The following BHMT variants were observed in gnomAD, a reference collection of about 807,000 sequenced individuals.
BHMT encodes betaine--homocysteine S-methyltransferase 1.
Under a neutral mutation model 49.5 loss-of-function variants are expected in BHMT, and 38 were observed. The observed-to-expected ratio is 0.77, with a 90% CI of 0.59 to 1.01. The LOEUF is 1.01. BHMT is among the 50% of genes least tolerant of loss of function. BHMT has a pLI of 0.00. For synonymous variants in BHMT, 166 were observed against 176.3 expected, an observed-to-expected ratio of 0.94 and a Z score of 0.46; for missense variants, 426 against 495.7, an observed-to-expected ratio of 0.86 and a Z score of 1.34.
At chr5:79,112,772 G>A (rs1756324543) in intron 1 of BHMT, among the ~76,000 whole-genome samples, 1 of 152,212 alleles carries the variant, frequency 6.6e-6, no homozygotes, top group African/African-American at 2.4e-5. Flanking sequence ...GGTATTTTCA[G>A]TCCAGACGGT....
At chr5:79,113,845 A>C (rs1012850337) in intron 1 of BHMT, among the ~76,000 whole-genome samples, 1 of 152,172 alleles carries the variant, frequency 6.6e-6, no homozygotes, top group African/African-American at 2.4e-5. Flanking sequence ...ACCACTCAAC[A>C]AGTGCATGAG....
chr5:79,125,875 G>A (rs933019075), intron 5 of BHMT, among the ~76,000 whole-genome samples, 171 bp from the exon 6 acceptor site: 2 of 151,616 alleles, frequency 1.3e-5, no homozygotes, highest in African/African-American at 2.4e-5. Flanking sequence ...CACTTGAGGT[G>A]GAGACTGCAG....
intron 1 of BHMT, among the ~76,000 whole-genome samples, chr5:79,112,753 G>T (rs1462182471): frequency 6.6e-6 from 1 of 152,224 alleles, no homozygotes; most frequent in African/African-American, 2.4e-5. Context: ...CCAGTGGCTT[G>T]TTGGGAGGGG....
At chr5:79,116,053 A>C in intron 2 of BHMT, 154 bp downstream of exon 2, 2 of 985,788 alleles carry the variant, frequency 2.0e-6, no homozygotes, top group Non-Finnish European at 2.7e-6. Context: ...CTAGTCTCTC[A>C]GAAGTTTTTT....
intron 5 of BHMT, among the ~76,000 whole-genome samples, chr5:79,125,617 T>C (rs1445089693): frequency 6.6e-6 from 1 of 152,128 alleles, no homozygotes; most frequent in Non-Finnish European, 1.5e-5. Context: ...GAGGACCTAA[T>C]GCTATGCTTC....
At position 79,119,391 on chromosome 5, in the gene BHMT, G is replaced by A. The variant is rs773813393; in HGVS notation, c.285+14G>A. 2 of 1,586,794 alleles carry A rather than the reference G, an allele frequency of 1.3e-6. No individual in the cohort carries two copies. Among genetic ancestry groups the A allele is most frequent in the South Asian group, 2.2e-5 (2 of 89,626 alleles). ...GAGAAGATATCTGTGAGTAAAACCAGCCGTGGGACTTTTAGAAGGATATTG... is the reference window on the plus strand; with the variant it reads ...GAGAAGATATCTGTGAGTAAAACCAACCGTGGGACTTTTAGAAGGATATTG... On this transcript the variant is annotated intron_variant, in intron 3 of 7. Coordinates refer to ENST00000274353, the MANE Select transcript of BHMT (RefSeq NM_001713.3).
At chr5:79,125,959 A>C (rs936807793) in intron 5 of BHMT, 87 bp from the exon 6 acceptor site, 7 of 1,397,040 alleles carry the variant, frequency 5.0e-6, no homozygotes, top group East Asian at 2.3e-5. Context: ...TGAAAAAAGA[A>C]CTTCCTGATT....
intron 4 of BHMT, among the ~76,000 whole-genome samples, chr5:79,120,924 G>A (rs966738520): frequency 3.9e-5 from 6 of 152,112 alleles, no homozygotes; most frequent in African/African-American, 1.4e-4. Context: ...AGGCCAAGGC[G>A]TGTGGATCAC....
rs528301537 is a variant in BHMT, at chr5:79,122,723, A to G, written c.625+1358A>G. 7.5e-4 allele frequency among the ~76,000 whole-genome samples: 113 copies of G among 151,492 alleles called. 1 individual carries two copies. The highest frequency in any genetic ancestry group is 2.6e-3 in the African/African-American group (109 of 41,418). ...TGATGAATATATATATATAAAATAT[A>G]TAAGTATATGTATATATACACACAC... On this transcript the variant is annotated intron_variant, in intron 5 of 7. Coordinates refer to ENST00000274353, the MANE Select transcript of BHMT (RefSeq NM_001713.3).
intron 5 of BHMT, among the ~76,000 whole-genome samples, chr5:79,123,522 T>G (rs1756506141): frequency 1.3e-5 from 1 of 79,686 alleles, no homozygotes; most frequent in Non-Finnish European, 2.8e-5. Context: ...CCTTTTTGGT[T>G]GGTTGGTTGG....
In BHMT at chr5:79,111,850, G is replaced by A; in HGVS notation, c.-36G>A. On this transcript the variant is annotated 5_prime_UTR_variant, in exon 1 of 8. Transcript: ENST00000274353. Reference sequence around the variant, plus strand: ...GCGGGAAGGCTCGCCTAGTCGGTCCGCATCCGTGTCGACCACCTGTCTGGA... The same window carrying A: ...GCGGGAAGGCTCGCCTAGTCGGTCCACATCCGTGTCGACCACCTGTCTGGA... The A allele has an allele frequency of 6.2e-7, 1 of 1,610,870 alleles. No individual in the cohort carries two copies. Among genetic ancestry groups the A allele is most frequent in the Non-Finnish European group, 8.5e-7 (1 of 1,178,596 alleles).
At chr5:79,129,070 C>A (rs1045121216) in intron 7 of BHMT, among the ~76,000 whole-genome samples, 1 of 152,126 alleles carries the variant, frequency 6.6e-6, no homozygotes, top group African/African-American at 2.4e-5. Flanking sequence ...AACTAGGAAG[C>A]GGGTGGAGGA....
chr5:79,121,675 A>C (rs1183591363), intron 5 of BHMT, among the ~76,000 whole-genome samples: 1 of 151,416 alleles, frequency 6.6e-6, no homozygotes, highest in Non-Finnish European at 1.5e-5. Flanking sequence ...ATTAGCCGGG[A>C]CTGGTGGCGG....
intron 2 of BHMT, among the ~76,000 whole-genome samples, chr5:79,118,911 G>T (rs1756425254): frequency 6.6e-6 from 1 of 152,182 alleles, no homozygotes; most frequent in African/African-American, 2.4e-5. Flanking sequence ...AGTTATTTCT[G>T]GACAGACTGT....
chr5:79,115,380 TAGAGTAAGA>T (rs1756370525), intron 1 of BHMT, among the ~76,000 whole-genome samples: 1 of 122,124 alleles, frequency 8.2e-6, no homozygotes, highest in Non-Finnish European at 2.0e-5. Context: ...AGTTTGTTGA[TAGAGTAAGA>T]AGACTAGTAT....
chr5:79,124,291 A>G (rs1325085986), intron 5 of BHMT, among the ~76,000 whole-genome samples: 2 of 152,150 alleles, frequency 1.3e-5, no homozygotes, highest in African/African-American at 2.4e-5. Context: ...GCTCATGCCT[A>G]CAATCCCAGC....
intron 6 of BHMT, among the ~76,000 whole-genome samples, chr5:79,127,191 A>G (rs1756565965): frequency 6.6e-6 from 1 of 152,178 alleles, no homozygotes; most frequent in Admixed American, 6.5e-5. Context: ...TGCCAGGGCT[A>G]TTATCACCTG....
At chr5:79,130,129 G>A (rs540693728) in intron 7 of BHMT, among the ~76,000 whole-genome samples, 37 of 152,124 alleles carry the variant, frequency 2.4e-4, no homozygotes, top group African/African-American at 8.4e-4. Context: ...AGCCAAGATC[G>A]TACCACTGCA....
Position 79,111,847 on chromosome 5 carries a change from T to C in BHMT, c.-39T>C, listed in dbSNP as rs1277992255. 1 of 1,610,722 alleles carries C rather than the reference T, an allele frequency of 6.2e-7. No homozygotes were observed. On this transcript the variant is annotated 5_prime_UTR_variant, in exon 1 of 8. Transcript: ENST00000274353. ...GCAGCGGGAAGGCTCGCCTAGTCGGTCCGCATCCGTGTCGACCACCTGTCT... is the reference window on the plus strand; with the variant it reads ...GCAGCGGGAAGGCTCGCCTAGTCGGCCCGCATCCGTGTCGACCACCTGTCT...
Sources: allele counts gnomAD v4.1 joint callset (sites outside exome capture counted in the v4.1 genomes callset), GRCh38; gene constraint gnomAD v4.1.1; transcripts MANE v1.5; gene names NCBI Gene and HGNC (gene_info 2026-07-23, HGNC 2026-07-21).